DDAH1: variants seen among roughly 807,000 people sequenced by gnomAD.
DDAH1 encodes N(G),N(G)-dimethylarginine dimethylaminohydrolase 1.
DDAH1 carries 19 observed loss-of-function variants against 28.8 expected under a neutral mutation model. That is an observed-to-expected ratio of 0.66 (90% confidence interval 0.46 to 0.97). The LOEUF (loss-of-function observed/expected upper bound fraction) is 0.97. Among genes scored for constraint, DDAH1 ranks in the 50% least tolerant of loss-of-function variants. The probability of loss-of-function intolerance (pLI) is 0.00; values close to 1 mark genes in which losing one functional copy is unlikely to be tolerated. For missense variants in DDAH1, 326 were observed against 375.9 expected, an observed-to-expected ratio of 0.87 and a Z score of 1.10; for synonymous variants, 153 against 154.4, an observed-to-expected ratio of 0.99 and a Z score of 0.07.
intron 1 of DDAH1, among the ~76,000 whole-genome samples, chr1:85,438,995 T>C (rs948508149): frequency 6.6e-6 from 1 of 152,244 alleles, no homozygotes; most frequent in African/African-American, 2.4e-5. Context: ...TCTGTGATCT[T>C]AGTCACGGTA....
At chr1:85,512,436 G>A (rs1657277557) in intron 1 of DDAH1, among the ~76,000 whole-genome samples, 1 of 152,114 alleles carries the variant, frequency 6.6e-6, no homozygotes, top group East Asian at 1.9e-4. Flanking sequence ...TTGAAAACTG[G>A]CACAAGACAG....
At chr1:85,440,809 A>C (rs937142742) in intron 1 of DDAH1, among the ~76,000 whole-genome samples, 1 of 139,694 alleles carries the variant, frequency 7.2e-6, no homozygotes, top group African/African-American at 2.6e-5. Context: ...GGCAGGGCCC[A>C]AAAAAAACTG....
intron 4 of DDAH1, among the ~76,000 whole-genome samples, chr1:85,337,272 C>A (rs1190542858): frequency 6.6e-6 from 1 of 152,060 alleles, no homozygotes; most frequent in Non-Finnish European, 1.5e-5. Flanking sequence ...TATACAATGT[C>A]AAACAGTTCT....
rs768956201 is a variant in DDAH1 at position 85,321,526 on chromosome 1, T to G, written c.784A>C (p.Met262Leu). The change falls in exon 6 of 6, where the codon ATG (methionine) becomes CTG (leucine). Residue 262 changes from methionine (M) to leucine (L), a missense_variant. Physicochemically the swap from Met to Leu is conservative, Grantham distance 15. Coordinates refer to ENST00000284031, the MANE Select transcript of DDAH1 (RefSeq NM_012137.4). ...CCATCCACCTTTTCCAGTTCAGACA[T>G]GCTCACGGGGATCAGCATATGGTCC... The part of the protein sequence containing the change: ...LKDHMLIPVS[M>L]SELEKVDGLL... 2 of 1,614,188 alleles carry G rather than the reference T, an allele frequency of 1.2e-6. No homozygotes were observed. The highest frequency in any genetic ancestry group is 1.7e-6 in the Non-Finnish European group (2 of 1,180,018).
chr1:85,431,615 CT>C (rs1227600191), intron 1 of DDAH1, among the ~76,000 whole-genome samples: 1 of 151,864 alleles, frequency 6.6e-6, no homozygotes, highest in East Asian at 1.9e-4. Context: ...TCTTTCCTTC[CT>C]CTCAGAAAGC....
At chr1:85,525,154 G>A (rs1657820019) in intron 1 of DDAH1, among the ~76,000 whole-genome samples, 1 of 151,834 alleles carries the variant, frequency 6.6e-6, no homozygotes, top group Non-Finnish European at 1.5e-5. Flanking sequence ...AAATGCTGGA[G>A]ATGCTGACTT....
Position 85,415,005 on chromosome 1 carries a change from CTTTTTTTTTTTTTT to C in DDAH1, c.303+49724_303+49737del, listed in dbSNP as rs71727580. Among the ~76,000 whole-genome samples the C allele has an allele frequency of 6.8e-4, 39 of 57,608 alleles. 3 individuals are homozygous for C. The highest frequency in any genetic ancestry group is 4.1e-3 in the Admixed American group (15 of 3,680). 37.8% of individuals were successfully genotyped at this position (57,608 alleles called of 152,430 possible). A position where few individuals can be genotyped will look rare whatever the true frequency, so the allele number is the denominator to read the frequency against. On this transcript the variant is annotated intron_variant, in intron 1 of 5. Coordinates refer to ENST00000284031, the MANE Select transcript of DDAH1 (RefSeq NM_012137.4). ...CGAAAATCAAATATTTCAAGTGTTG[CTTTTTTTTTTTTTT>C]TTTTTTTTTTTTTGAGATGGAGTCT...
intron 2 of DDAH1, among the ~76,000 whole-genome samples, chr1:85,481,573 T>G (rs185178927): frequency 6.6e-6 from 1 of 152,364 alleles, no homozygotes; most frequent in Admixed American, 6.5e-5. Flanking sequence ...AAATCTTTTT[T>G]ACACATTATA....
intron 1 of DDAH1, among the ~76,000 whole-genome samples, chr1:85,371,990 C>A (rs1650407801): frequency 6.7e-6 from 1 of 150,350 alleles, no homozygotes; most frequent in Non-Finnish European, 1.5e-5. Flanking sequence ...GGGATGATTT[C>A]TGGGGGGGAA....
intron 1 of DDAH1, among the ~76,000 whole-genome samples, chr1:85,372,485 C>G (rs898256359): frequency 3.3e-5 from 5 of 152,030 alleles, no homozygotes; most frequent in Admixed American, 3.3e-4. Flanking sequence ...AATATTCTAC[C>G]AAGGAAAACT....
intron 1 of DDAH1, among the ~76,000 whole-genome samples, chr1:85,436,855 C>T (rs1464667357): frequency 2.6e-5 from 4 of 152,176 alleles, no homozygotes; most frequent in Non-Finnish European, 5.9e-5. Flanking sequence ...AGGGCCAACC[C>T]TATCACTTTA....
chr1:85,468,123 A>G (rs895808091), upstream of DDAH1, among the ~76,000 whole-genome samples: 1 of 152,236 alleles, frequency 6.6e-6, no homozygotes, highest in East Asian at 1.9e-4. Flanking sequence ...ATCTATTTAC[A>G]TATCTATAGC....
intron 2 of DDAH1, among the ~76,000 whole-genome samples, chr1:85,488,927 T>C (rs1236922081): frequency 6.6e-6 from 1 of 152,188 alleles, no homozygotes; most frequent in Non-Finnish European, 1.5e-5. Context: ...TCAAATACGG[T>C]TGAATTTTCT....
chr1:85,463,063 T>C (rs916219770), intron 1 of DDAH1, among the ~76,000 whole-genome samples: 1 of 152,228 alleles, frequency 6.6e-6, no homozygotes, highest in Non-Finnish European at 1.5e-5. Context: ...CAAGAGACAC[T>C]CCCTAAAGGT....
intron 1 of DDAH1, among the ~76,000 whole-genome samples, chr1:85,532,189 G>C (rs1658114248): frequency 6.6e-6 from 1 of 151,922 alleles, no homozygotes; most frequent in Non-Finnish European, 1.5e-5. Context: ...TGGTTGCAGA[G>C]GCTACGTGTC....
chr1:85,538,202 C>T (rs1658351908), intron 1 of DDAH1, among the ~76,000 whole-genome samples: 1 of 152,194 alleles, frequency 6.6e-6, no homozygotes, highest in Non-Finnish European at 1.5e-5. Context: ...ATAAGTTATG[C>T]AGGAACTTTC....
At chr1:85,505,646 C>T (rs1208601280) in intron 1 of DDAH1, among the ~76,000 whole-genome samples, 1 of 152,084 alleles carries the variant, frequency 6.6e-6, no homozygotes, top group Non-Finnish European at 1.5e-5. Context: ...ATATTCTTGG[C>T]CTGATCTTGA....
intron 1 of DDAH1, among the ~76,000 whole-genome samples, chr1:85,569,573 C>T (rs568998638): frequency 1.5e-3 from 231 of 152,334 alleles, no homozygotes; most frequent in Non-Finnish European, 2.3e-3. Context: ...TAGAAGTTTT[C>T]CCTGAGTTTG....
intron 1 of DDAH1, among the ~76,000 whole-genome samples, chr1:85,434,390 A>G (rs1187778370): frequency 1.3e-5 from 2 of 151,474 alleles, no homozygotes; most frequent in East Asian, 3.9e-4. Context: ...TACCACTTTA[A>G]TTATTAAAGT....
Sources: gnomAD v4.1 joint callset for allele counts (sites outside exome capture counted in the v4.1 genomes callset) on GRCh38, gnomAD v4.1.1 for gene constraint, MANE v1.5 for transcripts, NCBI Gene and HGNC (gene_info 2026-07-23, HGNC 2026-07-21) for gene names.